The following ABCC8 variants were observed in gnomAD, a reference collection of about 807,000 sequenced individuals.
The protein encoded by ABCC8 is ATP-binding cassette sub-family C member 8.
In ABCC8, 137 loss-of-function variants were observed where a neutral mutation model predicts 188.0. The observed-to-expected ratio is 0.73, with a 90% CI of 0.63 to 0.84. ABCC8 has a LOEUF of 0.84. ABCC8 is among the 40% of genes least tolerant of loss of function. The pLI is 0.00. For missense variants in ABCC8, 1,750 were observed against 2,072.7 expected, an observed-to-expected ratio of 0.84 and a Z score of 3.02; for synonymous variants, 797 against 846.5, an observed-to-expected ratio of 0.94 and a Z score of 1.01.
chr11:17,431,868 TCTCTTTGAGCTTTCTGTTC>T (rs1955862151), intron 11 of ABCC8, among the ~76,000 whole-genome samples: 1 of 152,256 alleles, frequency 6.6e-6, no homozygotes, highest in South Asian at 2.1e-4. Context: ...TGATTTTAAT[TCTCTTTGAGCTTTCTGTTC>T]TGGATTTCCC....
At chr11:17,431,007 C>T (rs1294486295) in intron 11 of ABCC8, 48 bp from the exon 12 acceptor site, 1 of 1,604,584 alleles carries the variant, frequency 6.2e-7, no homozygotes, top group Non-Finnish European at 8.5e-7. Flanking sequence ...GGGTGTGGGT[C>T]CCTCCCACAC....
chr11:17,414,448 G>T (rs750296854), intron 19 of ABCC8, 64 bp downstream of exon 19: 1 of 1,596,092 alleles, frequency 6.3e-7, no homozygotes, highest in Non-Finnish European at 8.6e-7. Flanking sequence ...GCCCGGAACT[G>T]GGGCAGGCTG....
At chr11:17,458,886 G>C (rs1957089568) in intron 6 of ABCC8, among the ~76,000 whole-genome samples, 1 of 152,160 alleles carries the variant, frequency 6.6e-6, no homozygotes, top group African/African-American at 2.4e-5. Flanking sequence ...ACAATTCCCT[G>C]AATATTCCTC....
In ABCC8 at chr11:17,461,584, A is replaced by C; in HGVS notation, c.821T>G (p.Val274Gly). The change falls in exon 5 of 39, where the codon GTG (valine) becomes GGG (glycine). Residue 274 changes from valine (V) to glycine (G), a missense_variant and splice_region_variant. Transcript: ENST00000389817. ...TGGTGTGGCTGTGCCCCCACTGACC[A>C]CCTGGGCGTCAAAGGCCTCGCAGAG... ...QRLCEAFDAQ[V>G]RKDIQGTQGA... 6.2e-7 allele frequency: 1 copy of C among 1,614,158 alleles called. No homozygotes were observed. Among genetic ancestry groups the C allele is most frequent in the East Asian group, 2.2e-5 (1 of 44,876 alleles).
intron 18 of ABCC8, 37 bp from the exon 19 acceptor site, chr11:17,414,647 G>T (rs1002701945): frequency 3.1e-6 from 5 of 1,612,176 alleles, no homozygotes; most frequent in African/African-American, 1.3e-5. Flanking sequence ...GGTGCGGAAG[G>T]CATTCTCAGG....
chr11:17,413,574 C>T (rs1954922304), intron 19 of ABCC8, 96 bp from the exon 20 acceptor site: 1 of 1,610,454 alleles, frequency 6.2e-7, no homozygotes. Flanking sequence ...TAGCTATGCC[C>T]AGGGTGAGCA....
chr11:17,417,271 A>G (rs1955126213), intron 16 of ABCC8, among the ~76,000 whole-genome samples: 1 of 152,214 alleles, frequency 6.6e-6, no homozygotes, highest in South Asian at 2.1e-4. Context: ...CCAGAGAGGG[A>G]AAGTGAGAGG....
chr11:17,428,713 C>A, intron 12 of ABCC8, 43 bp from the exon 13 acceptor site: 1 of 1,606,470 alleles, frequency 6.2e-7, no homozygotes, highest in Non-Finnish European at 8.5e-7. Flanking sequence ...CTGCCAGGGG[C>A]AGAGGGGAGG....
chr11:17,409,322 C>A (rs886310350), intron 22 of ABCC8, among the ~76,000 whole-genome samples: 1 of 152,064 alleles, frequency 6.6e-6, no homozygotes, highest in African/African-American at 2.4e-5. Context: ...AATTCAGACA[C>A]CCACCCCTGC....
Position 17,476,669 on chromosome 11 carries a change from G to C in ABCC8, c.108C>G (p.His36Gln). 1 of 1,612,372 alleles carries C rather than the reference G, an allele frequency of 6.2e-7. No individual in the cohort carries two copies. Among genetic ancestry groups the C allele is most frequent in the Non-Finnish European group, 8.5e-7 (1 of 1,179,408 alleles). The change falls in exon 1 of 39, where the codon CAC becomes CAG. Residue 36 changes from histidine (H) to glutamine (Q), a missense_variant. By Grantham distance (24) the His-to-Gln change is conservative (BLOSUM62 0). Coordinates refer to ENST00000389817, the MANE Select transcript of ABCC8 (RefSeq NM_000352.6). ...CFVDALNVVPHVFLLFITFPI... is the reference protein window; with the variant it reads ...CFVDALNVVPQVFLLFITFPI... Reference sequence around the variant, plus strand: ...GGAAGGTGATGAAGAGTAGGAAGACGTGCGGCACCACGTTGAGCGCGTCCA... The same window carrying C: ...GGAAGGTGATGAAGAGTAGGAAGACCTGCGGCACCACGTTGAGCGCGTCCA...
intron 10 of ABCC8, among the ~76,000 whole-genome samples, chr11:17,439,590 GTC>G (rs567230719): frequency 4.5e-4 from 68 of 151,794 alleles, no homozygotes; most frequent in Non-Finnish European, 8.5e-4. Flanking sequence ...CCTACCACCC[GTC>G]TCTCTCCCCC....
chr11:17,416,263 G>A (rs1955068912), intron 17 of ABCC8, among the ~76,000 whole-genome samples: 1 of 152,134 alleles, frequency 6.6e-6, no homozygotes. Flanking sequence ...TAAGGGGAGG[G>A]AAGGTTTTGA....
intron 6 of ABCC8, among the ~76,000 whole-genome samples, chr11:17,455,936 C>A (rs1956976930): frequency 7.9e-6 from 1 of 127,226 alleles, no homozygotes; most frequent in African/African-American, 3.3e-5. Flanking sequence ...GAGGCTCCAT[C>A]CAAAAAAAAA....
intron 38 of ABCC8, among the ~76,000 whole-genome samples, chr11:17,393,430 T>C (rs372964728): frequency 2.8e-4 from 42 of 152,210 alleles, no homozygotes; most frequent in African/African-American, 9.9e-4. Flanking sequence ...GCCTAACATA[T>C]AAGGCCTTGG....
chr11:17,428,027 T>A (rs535592033), intron 14 of ABCC8, 85 bp from the exon 15 acceptor site: 8 of 1,586,122 alleles, frequency 5.0e-6, no homozygotes, highest in Non-Finnish European at 6.9e-6. Flanking sequence ...CCCTCCTCCA[T>A]GAAAGCCAAA....
At chr11:17,395,316 G>A (rs754932948) in intron 35 of ABCC8, 41 bp from the exon 36 acceptor site, 28 of 1,553,760 alleles carry the variant, frequency 1.8e-5, no homozygotes, top group Non-Finnish European at 2.4e-5. Flanking sequence ...AGGGAGCAGG[G>A]TCCTGCCTGC....
At chr11:17,408,286 G>A in intron 23 of ABCC8, 106 bp downstream of exon 23, 1 of 1,130,516 alleles carries the variant, frequency 8.8e-7, no homozygotes, top group Non-Finnish European at 1.3e-6. Flanking sequence ...CTGCCCTTTA[G>A]GGGGCTTCCT....
intron 16 of ABCC8, among the ~76,000 whole-genome samples, chr11:17,423,272 G>A (rs1458719895): frequency 1.4e-5 from 2 of 140,072 alleles, no homozygotes; most frequent in African/African-American, 2.7e-5. Context: ...CAGGAGAATC[G>A]CTTGAACCTA....
chr11:17,412,735 C>G lies in ABCC8; in HGVS notation c.2487G>C (p.Leu829=), dbSNP rs550307286. The G allele has an allele frequency of 1.2e-6, 2 of 1,609,954 alleles. No individual in the cohort carries two copies. The highest frequency in any genetic ancestry group is 2.7e-5 in the African/African-American group (2 of 74,826). Residue 829 remains leucine (L), a synonymous_variant, in exon 21 of 39, where the codon CTG becomes CTC. Transcript: ENST00000389817. ...TGATTCGCTGGCGTTGACCACCAGA[C>G]AGGTTGATGCCCTGTCACCAAAGAG... is the stretch of plus-strand genomic sequence containing the variant. ...QTQIGERGIN[L]SGGQRQRISV...
Sources: allele counts gnomAD v4.1 joint callset (sites outside exome capture counted in the v4.1 genomes callset), GRCh38; gene constraint gnomAD v4.1.1; transcripts MANE v1.5; gene names NCBI Gene and HGNC (gene_info 2026-07-23, HGNC 2026-07-21).